The following NLGN4X variants were observed in gnomAD, a reference collection of about 807,000 sequenced individuals.
The protein encoded by NLGN4X is neuroligin-4, X-linked.
Under a neutral mutation model 40.3 loss-of-function variants are expected in NLGN4X, and 3 were observed. The ratio of observed to expected loss-of-function variants is 0.07; its 90% CI spans 0.03 to 0.19. The LOEUF (loss-of-function observed/expected upper bound fraction) is 0.19, where lower values mean the gene tolerates loss of function less well. Ranked by LOEUF, NLGN4X falls within the 10% of genes least tolerant of loss-of-function variation. NLGN4X has a pLI of 1.00. For synonymous variants in NLGN4X, 270 were observed against 306.8 expected (o/e 0.88, Z 1.25); for missense variants, 382 against 708.3 (o/e 0.54, Z 5.23).
intron 2 of NLGN4X, among the ~76,000 whole-genome samples, chrX:6,068,099 G>T (rs2037969219): frequency 8.9e-6 from 1 of 111,740 alleles, no homozygotes; most frequent in African/African-American, 3.3e-5. Context: ...TATTAGTGAG[G>T]AAGCATTTGC....
chrX:5,908,241 G>C (rs757897624), intron 4 of NLGN4X, among the ~76,000 whole-genome samples: 26 of 110,079 alleles, frequency 2.4e-4, no homozygotes, highest in Non-Finnish European at 4.9e-4. Flanking sequence ...GACCATCAGG[G>C]AGAGAGACAC....
intron 1 of NLGN4X, among the ~76,000 whole-genome samples, chrX:6,169,000 G>A (rs1209805546): frequency 8.9e-6 from 1 of 112,093 alleles, no homozygotes; most frequent in South Asian, 3.7e-4. Flanking sequence ...AAAGATAAAG[G>A]AAAATCGGAA....
At chrX:5,954,667 TCTCTCTTG>T (rs2146957174) in intron 3 of NLGN4X, among the ~76,000 whole-genome samples, 1 of 107,523 alleles carries the variant, frequency 9.3e-6, no homozygotes, top group African/African-American at 3.4e-5. Flanking sequence ...TCTCTCTCTG[TCTCTCTTG>T]CTCAATATTT....
intron 3 of NLGN4X, among the ~76,000 whole-genome samples, chrX:5,911,852 C>T (rs778060461): frequency 2.7e-5 from 3 of 111,785 alleles, no homozygotes; most frequent in Non-Finnish European, 3.8e-5. Flanking sequence ...TTCCTGGGCA[C>T]GGGCCAAGCT....
chrX:5,978,962 C>A (rs746390000), intron 3 of NLGN4X, among the ~76,000 whole-genome samples: 1 of 110,751 alleles, frequency 9.0e-6, no homozygotes, highest in African/African-American at 3.3e-5. Context: ...TAGAGTGAGA[C>A]TCTGTTTAAA....
intron 1 of NLGN4X, among the ~76,000 whole-genome samples, chrX:6,161,360 T>A (rs193105372): frequency 0.02 from 339 of 17,307 alleles, 1 homozygote; most frequent in African/African-American, 0.049. Context: ...ATAGGATATA[T>A]AATATATTAT....
At chrX:6,221,846 C>T (rs1417141446) in intron 1 of NLGN4X, among the ~76,000 whole-genome samples, 1 of 110,669 alleles carries the variant, frequency 9.0e-6, no homozygotes, top group Non-Finnish European at 1.9e-5. Context: ...TGGACTTGCC[C>T]GTCCCATACT....
At chrX:6,195,738 A>G (rs1253790610) in intron 1 of NLGN4X, among the ~76,000 whole-genome samples, 2 of 111,819 alleles carry the variant, frequency 1.8e-5, no homozygotes, top group Non-Finnish European at 3.8e-5. Flanking sequence ...TGTGCATTGT[A>G]TCTGACTGGC....
intron 3 of NLGN4X, among the ~76,000 whole-genome samples, chrX:5,936,510 C>T (rs2033735238): frequency 9.0e-6 from 1 of 111,540 alleles, no homozygotes; most frequent in African/African-American, 3.3e-5. Context: ...AGTTGCTGTG[C>T]CTGGAGAAAT....
intron 3 of NLGN4X, among the ~76,000 whole-genome samples, chrX:5,957,553 G>C (rs1239326769): frequency 1.8e-5 from 2 of 112,177 alleles, no homozygotes; most frequent in Non-Finnish European, 3.8e-5. Flanking sequence ...GTGTACGTCA[G>C]AGCAGCCATT....
chrX:5,911,040 C>G (rs1164837666), intron 3 of NLGN4X, among the ~76,000 whole-genome samples: 1 of 111,505 alleles, frequency 9.0e-6, no homozygotes, highest in South Asian at 3.8e-4. Flanking sequence ...TTGACACGAT[C>G]GTTCATAAAA....
intron 1 of NLGN4X, among the ~76,000 whole-genome samples, chrX:6,207,147 C>G (rs1319432234): frequency 9.0e-6 from 1 of 111,281 alleles, no homozygotes; most frequent in African/African-American, 3.3e-5. Context: ...TTCAAACAGG[C>G]ATTTTATCAT....
intron 3 of NLGN4X, among the ~76,000 whole-genome samples, chrX:5,961,937 C>G (rs1049666405): frequency 8.9e-6 from 1 of 112,116 alleles, no homozygotes; most frequent in Admixed American, 9.4e-5. Context: ...CATCTCTCTA[C>G]GATATGTGAT....
intron 2 of NLGN4X, among the ~76,000 whole-genome samples, chrX:6,082,948 G>GGTT (rs2038390927): frequency 9.9e-5 from 7 of 70,356 alleles, no homozygotes; most frequent in African/African-American, 2.9e-4. Flanking sequence ...GCCATGATGC[G>GGTT]TTTTTTTCTT....
intron 2 of NLGN4X, among the ~76,000 whole-genome samples, chrX:6,106,165 T>C (rs191250907): frequency 8.9e-6 from 1 of 111,992 alleles, no homozygotes; most frequent in Admixed American, 9.5e-5. Context: ...AGAACACAAA[T>C]AGTCATCTGT....
At chrX:6,130,958 C>T (rs764436788) in intron 2 of NLGN4X, among the ~76,000 whole-genome samples, 45 of 111,550 alleles carry the variant, frequency 4.0e-4, no homozygotes, top group Admixed American at 3.0e-3. Context: ...ATAATTATGG[C>T]GTAGTGTTTG....
intron 3 of NLGN4X, among the ~76,000 whole-genome samples, chrX:5,968,457 C>CTGTGTG (rs529573810): frequency 0.018 from 859 of 46,934 alleles, 20 homozygotes; most frequent in Non-Finnish European, 0.021. Flanking sequence ...CTCTCTCTCT[C>CTGTGTG]TGTGTGTGTG....
At position 6,180,420 on chromosome X, in the gene NLGN4X, G is replaced by T. The variant is rs751373240; in HGVS notation, c.-305-28649C>A. On this transcript the variant is annotated intron_variant, in intron 1 of 5. Coordinates refer to ENST00000381095, the MANE Select transcript of NLGN4X (RefSeq NM_181332.3). ...TTGCCCCTCTCTCTCTCTTCCTCCT[G>T]CTCCGGCCATGTAAGAAAGCTCACT... Among the ~76,000 whole-genome samples, 3 of 110,472 alleles carry T rather than the reference G, an allele frequency of 2.7e-5. No homozygotes were observed. In the South Asian group the frequency reaches 1.2e-3, roughly 43 times the overall value.
At position 5,903,193 on chromosome X, in the gene NLGN4X, A is replaced by G; in HGVS notation, c.1485T>C (p.Tyr495=). ...ADSAHGDEVP[Y]VFGIPMIGPT... ...GACCGATCATGGGGATGCCGAAGAC[A>G]TAGGGGACCTCATCACCATGGGCCG... Residue 495 remains tyrosine (Y), a synonymous_variant, in exon 5 of 6, where the codon TAT becomes TAC. Transcript: ENST00000381095. 8.2e-7 allele frequency: 1 copy of G among 1,212,250 alleles called. No homozygotes were observed. The highest frequency in any genetic ancestry group is 1.1e-6 in the Non-Finnish European group (1 of 895,639).
Sources: allele counts gnomAD v4.1 joint callset (sites outside exome capture counted in the v4.1 genomes callset), GRCh38; gene constraint gnomAD v4.1.1; transcripts MANE v1.5; gene names NCBI Gene and HGNC (gene_info 2026-07-23, HGNC 2026-07-21).